The following ITK variants were observed in gnomAD, a reference collection of about 807,000 sequenced individuals.
ITK encodes the protein IL2 inducible T cell kinase.
A neutral mutation model predicts 87.6 loss-of-function variants in ITK; 45 were observed. The ratio of observed to expected loss-of-function variants is 0.51; its 90% confidence interval spans 0.40 to 0.66. ITK has a LOEUF of 0.66. ITK is among the 30% of genes least tolerant of loss of function. ITK has a pLI of 0.00. For synonymous variants in ITK, 303 were observed against 273.6 expected, an observed-to-expected ratio of 1.11 and a Z score of -1.06; for missense variants, 605 against 766.3, an observed-to-expected ratio of 0.79 and a Z score of 2.48.
chr5:157,211,949 T>C (rs1053839252), intron 3 of ITK, among the ~76,000 whole-genome samples: 5 of 152,196 alleles, frequency 3.3e-5, no homozygotes, highest in Admixed American at 1.3e-4. Flanking sequence ...ATGCAATAAA[T>C]ATCAGCTAGC....
intron 4 of ITK, among the ~76,000 whole-genome samples, chr5:157,217,531 G>A (rs13167382): frequency 0.016 from 2,500 of 152,190 alleles, 29 homozygotes; most frequent in Non-Finnish European, 0.027. Context: ...GACATTCCCG[G>A]AAGTCTCTAT....
At chr5:157,212,249 G>A (rs1754206364) in intron 3 of ITK, among the ~76,000 whole-genome samples, 1 of 152,178 alleles carries the variant, frequency 6.6e-6, no homozygotes, top group Admixed American at 6.5e-5. Context: ...TACCATTATT[G>A]TTCTTTAGCC....
chr5:157,205,832 G>GAAA (rs2113750155), intron 1 of ITK, among the ~76,000 whole-genome samples: 1 of 152,164 alleles, frequency 6.6e-6, no homozygotes, highest in South Asian at 2.1e-4. Context: ...GAATTTTATT[G>GAAA]AAAGCCTTTT....
At position 157,240,147 on chromosome 5, in the gene ITK, T is replaced by A; in HGVS notation, c.937T>A (p.Phe313Ile). Residue 313 changes from phenylalanine to isoleucine, a missense_variant, in exon 10 of 17, where the codon TTC (phenylalanine) becomes ATC (isoleucine). Physicochemically the swap from Phe to Ile is conservative, Grantham distance 21 (BLOSUM62 0). Around this residue, in one of 3 missense-constraint regions of ITK, gnomAD observed 464 missense variants for 578.0 expected, o/e 0.80. Transcript: ENST00000422843. ...KRYYVAEKYV[F>I]DSIPLLINYH... ...ATACTATGTGGCTGAAAAGTATGTG[T>A]TCGATTCCATCCCTCTTCTCATCAA... 1 of 1,614,096 alleles carries A rather than the reference T, an allele frequency of 6.2e-7. No homozygotes were observed. The highest frequency in any genetic ancestry group is 8.5e-7 in the Non-Finnish European group (1 of 1,179,952).
In ITK at chr5:157,254,747, G is replaced by C. The variant is rs1755217640; in HGVS notation, c.*2069G>C. ...ATTTCTGGAACATTCAGTCTAGAAAGAAAACATTGGAATTGACTGATCTCT... is the reference window on the plus strand; with the variant it reads ...ATTTCTGGAACATTCAGTCTAGAAACAAAACATTGGAATTGACTGATCTCT... On this transcript the variant is annotated 3_prime_UTR_variant, in exon 17 of 17. Transcript: ENST00000422843. The C allele has an allele frequency of 4.6e-6, 1 of 217,720 alleles. No individual in the cohort carries two copies. 13.5% of individuals were successfully genotyped at this position (217,720 alleles called of 1,614,324 possible). A position where few individuals can be genotyped will look rare whatever the true frequency, so the allele number is the denominator to read the frequency against.
intron 9 of ITK, among the ~76,000 whole-genome samples, chr5:157,239,375 C>T (rs776706593): frequency 7.2e-5 from 11 of 152,182 alleles, no homozygotes; most frequent in Non-Finnish European, 1.2e-4. Flanking sequence ...TGTAACCACA[C>T]GTTAGCAGTC....
chr5:157,201,208 G>A (rs1047796190), intron 1 of ITK, among the ~76,000 whole-genome samples: 11 of 151,214 alleles, frequency 7.3e-5, no homozygotes, highest in Non-Finnish European at 1.5e-4. Flanking sequence ...CTTGCAAAAA[G>A]TCATCTATGA....
At chr5:157,189,658 G>A (rs912332622) in intron 1 of ITK, among the ~76,000 whole-genome samples, 1 of 152,150 alleles carries the variant, frequency 6.6e-6, no homozygotes, top group African/African-American at 2.4e-5. Flanking sequence ...TCCAGCCTGG[G>A]CGACACAGCA....
chr5:157,241,589 A>T, intron 10 of ITK, 57 bp from the exon 11 acceptor site: 1 of 1,154,090 alleles, frequency 8.7e-7, no homozygotes, highest in Non-Finnish European at 1.3e-6. Flanking sequence ...GATTTAAGTT[A>T]GATGGTTGCT....
At chr5:157,248,067 A>G (rs1021277837) in intron 15 of ITK, among the ~76,000 whole-genome samples, 2 of 152,264 alleles carry the variant, frequency 1.3e-5, no homozygotes, top group African/African-American at 4.8e-5. Flanking sequence ...GCTAGGGCCC[A>G]GGAATCTGCC....
At chr5:157,242,893 A>G (rs1396572610) in intron 11 of ITK, among the ~76,000 whole-genome samples, 1 of 152,238 alleles carries the variant, frequency 6.6e-6, no homozygotes, top group African/African-American at 2.4e-5. Flanking sequence ...TAGGTGCTCA[A>G]TACTGCCTGC....
At chr5:157,182,720 A>T (rs1192102450) in intron 1 of ITK, among the ~76,000 whole-genome samples, 1 of 152,102 alleles carries the variant, frequency 6.6e-6, no homozygotes, top group Non-Finnish European at 1.5e-5. Flanking sequence ...ACCTTTAAAT[A>T]TTTTTTTCAA....
In ITK at chr5:157,243,983, C is replaced by A. The variant is rs184311295; in HGVS notation, c.1232+189C>A. The A allele has an allele frequency of 2.4e-3, 1,627 of 687,382 alleles. 7 individuals carry two copies. Among genetic ancestry groups the A allele is most frequent in the Non-Finnish European group, 3.6e-3 (1,392 of 384,616 alleles). The allele number at this position is 687,382 out of a possible 1,614,324, so 42.6% of individuals were successfully genotyped here. A position where few individuals can be genotyped will look rare whatever the true frequency, so the allele number is the denominator to read the frequency against. On this transcript the variant is annotated intron_variant, in intron 12 of 16. Transcript: ENST00000422843. ...CAAGGCCCACCATAATCTGATCATG[C>A]CCACCTCCCCCTTCTCAGCTCCTAC...
At position 157,223,117 on chromosome 5, in the gene ITK, TGAGGTGGGAGAA is replaced by T. The variant is rs1754458098; in HGVS notation, c.647+107_647+118del. On this transcript the variant is annotated intron_variant, in intron 6 of 16. Coordinates refer to ENST00000422843, the MANE Select transcript of ITK (RefSeq NM_005546.4). The stretch of plus-strand genomic sequence containing the variant: ...ATCTCCCACAGTGTAACCACAGCAC[TGAGGTGGGAGAA>T]GAGAGCAGAGGCAGAAGGAAGAGGG... The T allele has an allele frequency of 5.1e-6, 7 of 1,384,834 alleles. No individual in the cohort carries two copies. In the Admixed American group the frequency reaches 8.4e-5, roughly 17 times the overall value. The allele number at this position is 1,384,834 out of a possible 1,614,324, so 85.8% of individuals were successfully genotyped here. A position where few individuals can be genotyped will look rare whatever the true frequency, so the allele number is the denominator to read the frequency against.
intron 5 of ITK, among the ~76,000 whole-genome samples, chr5:157,219,431 C>G (rs182563076): frequency 5.0e-4 from 76 of 152,270 alleles, no homozygotes; most frequent in African/African-American, 1.7e-3. Flanking sequence ...CATTTGAGTA[C>G]TCGCTCTTCA....
At chr5:157,203,814 A>G (rs1323648232) in intron 1 of ITK, among the ~76,000 whole-genome samples, 2 of 152,226 alleles carry the variant, frequency 1.3e-5, no homozygotes, top group African/African-American at 4.8e-5. Flanking sequence ...TTAGCATTAG[A>G]CTACAAAAGC....
At chr5:157,220,153 C>T (rs1284352051) in intron 5 of ITK, among the ~76,000 whole-genome samples, 2 of 152,172 alleles carry the variant, frequency 1.3e-5, no homozygotes, top group Non-Finnish European at 2.9e-5. Flanking sequence ...GTCTCATGCT[C>T]TATGTGAGAA....
At chr5:157,244,115 T>A (rs1309508197) in intron 12 of ITK, 147 bp from the exon 13 acceptor site, 1 of 773,778 alleles carries the variant, frequency 1.3e-6, no homozygotes, top group Non-Finnish European at 2.2e-6. Context: ...CAATGACATG[T>A]TTTTGTTTTG....
intron 8 of ITK, 69 bp from the exon 9 acceptor site, chr5:157,238,040 A>C: frequency 2.6e-6 from 3 of 1,173,042 alleles, no homozygotes; most frequent in South Asian, 2.5e-5. Context: ...GTGGGCAAGA[A>C]AGTGGAGCTG....
Sources: allele counts gnomAD v4.1 joint callset (sites outside exome capture counted in the v4.1 genomes callset), GRCh38; gene constraint gnomAD v4.1.1; regional missense constraint gnomAD v4.1.1; transcripts MANE v1.5; gene names NCBI Gene and HGNC (gene_info 2026-07-23, HGNC 2026-07-21).